The following WDR41 variants were observed in gnomAD, a reference collection of about 807,000 sequenced individuals.
The protein encoded by WDR41 is WD repeat domain 41.
In WDR41, 63 loss-of-function variants were observed where a neutral mutation model predicts 69.3. The ratio of observed to expected loss-of-function variants is 0.91; its 90% CI spans 0.74 to 1.12. WDR41 has a LOEUF of 1.12. WDR41 is among the 50% of genes most tolerant of loss of function. The pLI is 0.00. For missense variants in WDR41, 543 were observed against 534.5 expected (o/e 1.02, Z -0.16); for synonymous variants, 185 against 192.1 (o/e 0.96, Z 0.31).
chr5:77,497,556 T>C (rs1185891122), intron 1 of WDR41, among the ~76,000 whole-genome samples: 1 of 152,210 alleles, frequency 6.6e-6, no homozygotes, highest in Non-Finnish European at 1.5e-5. Flanking sequence ...GCATGCCATT[T>C]CACACATACT....
chr5:77,524,008 G>A (rs928325062), intron 1 of WDR41, among the ~76,000 whole-genome samples: 3 of 152,014 alleles, frequency 2.0e-5, no homozygotes, highest in Non-Finnish European at 2.9e-5. Flanking sequence ...TCTTATATAC[G>A]CTGACTATGA....
At chr5:77,435,113 TACC>T (rs1212750139) in intron 12 of WDR41, among the ~76,000 whole-genome samples, 1 of 152,156 alleles carries the variant, frequency 6.6e-6, no homozygotes, top group Non-Finnish European at 1.5e-5. Context: ...CCCTTCTGCC[TACC>T]ACAGTCCATG....
chr5:77,534,438 A>T (rs1561216971), intron 1 of WDR41, among the ~76,000 whole-genome samples: 1 of 151,190 alleles, frequency 6.6e-6, no homozygotes, highest in East Asian at 1.9e-4. Flanking sequence ...CAAAATTTCA[A>T]TTTTTTTTTC....
intron 1 of WDR41, among the ~76,000 whole-genome samples, chr5:77,522,904 T>C (rs1802391180): frequency 6.6e-6 from 1 of 151,980 alleles, no homozygotes; most frequent in Non-Finnish European, 1.5e-5. Flanking sequence ...TAATGTGTGG[T>C]GAGAAAATGA....
intron 1 of WDR41, among the ~76,000 whole-genome samples, chr5:77,613,985 G>A (rs952049942): frequency 1.6e-4 from 25 of 152,158 alleles, no homozygotes; most frequent in African/African-American, 5.8e-4. Flanking sequence ...AGTGGGTGAA[G>A]GATATGAACA....
chr5:77,499,638 C>T (rs1021165299), intron 1 of WDR41: 14 of 152,026 alleles, frequency 9.2e-5, no homozygotes, highest in African/African-American at 2.7e-4. Flanking sequence ...GGAGCAATTA[C>T]GAAAGGGGGT....
chr5:77,479,213 G>C (rs1256668849), intron 2 of WDR41, among the ~76,000 whole-genome samples: 1 of 151,686 alleles, frequency 6.6e-6, no homozygotes, highest in Non-Finnish European at 1.5e-5. Flanking sequence ...CTCATGGGTA[G>C]GAAGAATCAG....
intron 1 of WDR41, among the ~76,000 whole-genome samples, chr5:77,590,307 G>C (rs1206065564): frequency 6.6e-6 from 1 of 152,100 alleles, no homozygotes; most frequent in African/African-American, 2.4e-5. Flanking sequence ...GGATTAGCAG[G>C]CATCTCCTTT....
At chr5:77,517,318 C>T (rs1802304069) in intron 1 of WDR41, among the ~76,000 whole-genome samples, 1 of 152,026 alleles carries the variant, frequency 6.6e-6, no homozygotes, top group African/African-American at 2.4e-5. Flanking sequence ...TTAAACATCA[C>T]AAATCTCATC....
At chr5:77,500,058 A>G (rs970598120) in intron 1 of WDR41, among the ~76,000 whole-genome samples, 1 of 152,218 alleles carries the variant, frequency 6.6e-6, no homozygotes, top group African/African-American at 2.4e-5. Context: ...ATTACTTGGC[A>G]TATGGAGAAA....
At chr5:77,471,538 A>C (rs1319479876) in intron 2 of WDR41, among the ~76,000 whole-genome samples, 2 of 152,208 alleles carry the variant, frequency 1.3e-5, no homozygotes, top group Non-Finnish European at 2.9e-5. Flanking sequence ...AGTAAGACTA[A>C]TAAAGAAGAA....
At chr5:77,616,847 C>T (rs148638095) in intron 1 of WDR41, among the ~76,000 whole-genome samples, 138 of 152,262 alleles carry the variant, frequency 9.1e-4, no homozygotes, top group African/African-American at 3.2e-3. Context: ...ACTACACACC[C>T]CTCTCATTCT....
chr5:77,433,103 G>A lies in WDR41; in HGVS notation c.*32C>T. ...GTAGTACCCGATATTTGATGTTCAA[G>A]GTTCATGCATGTGTATTTTTAATTC... On this transcript the variant is annotated 3_prime_UTR_variant, in exon 13 of 13. Coordinates refer to ENST00000296679, the MANE Select transcript of WDR41 (RefSeq NM_018268.4). 1 of 1,574,206 alleles carries A rather than the reference G, an allele frequency of 6.4e-7. No individual in the cohort carries two copies.
intron 1 of WDR41, among the ~76,000 whole-genome samples, chr5:77,501,132 C>T (rs1485606452): frequency 3.3e-5 from 5 of 152,188 alleles, no homozygotes; most frequent in Admixed American, 2.6e-4. Context: ...CAAGGGAAGC[C>T]GTGACAGACT....
chr5:77,608,081 T>TC (rs764940820), intron 1 of WDR41, among the ~76,000 whole-genome samples: 14 of 152,264 alleles, frequency 9.2e-5, no homozygotes, highest in Admixed American at 2.0e-4. Context: ...CTCCCGATTC[T>TC]CCCCCTACAA....
At chr5:77,600,734 G>A (rs1744307623) in intron 1 of WDR41, among the ~76,000 whole-genome samples, 1 of 152,060 alleles carries the variant, frequency 6.6e-6, no homozygotes, top group South Asian at 2.1e-4. Flanking sequence ...ATGAAAATTA[G>A]CCGGGGGCAG....
intron 1 of WDR41, among the ~76,000 whole-genome samples, chr5:77,579,550 T>C (rs566552006): frequency 2.4e-4 from 36 of 152,206 alleles, no homozygotes; most frequent in Non-Finnish European, 3.5e-4. Context: ...AACCACCCTG[T>C]CAAACAAGAA....
intron 2 of WDR41, among the ~76,000 whole-genome samples, chr5:77,487,758 AACC>A: frequency 6.6e-6 from 1 of 152,196 alleles, no homozygotes; most frequent in East Asian, 1.9e-4. Context: ...TGGAAAAATG[AACC>A]ACATGATTTA....
chr5:77,549,226 C>T (rs1340953242), intron 1 of WDR41, among the ~76,000 whole-genome samples: 1 of 151,988 alleles, frequency 6.6e-6, no homozygotes, highest in East Asian at 1.9e-4. Flanking sequence ...CACAAATCAC[C>T]ACTAAAGAGC....
Sources: allele counts gnomAD v4.1 joint callset (sites outside exome capture counted in the v4.1 genomes callset), GRCh38; gene constraint gnomAD v4.1.1; transcripts MANE v1.5; gene names NCBI Gene and HGNC (gene_info 2026-07-23, HGNC 2026-07-21).